The following HLA-DPB1 variants were observed in gnomAD, a reference collection of about 807,000 sequenced individuals.
The protein encoded by HLA-DPB1 is major histocompatibility complex, class II, DP beta 1.
In HLA-DPB1, 30 loss-of-function variants were observed where a neutral mutation model predicts 29.4. The observed-to-expected ratio is 1.02, with a 90% CI of 0.76 to 1.38. The LOEUF is 1.38. Ranked by LOEUF, HLA-DPB1 falls within the 40% of genes most tolerant of loss-of-function variation. The pLI is 0.00. For synonymous variants in HLA-DPB1, 114 were observed against 134.0 expected (o/e 0.85, Z 1.03); for missense variants, 261 against 327.5 (o/e 0.80, Z 1.57).
Position 33,080,947 on chromosome 6 carries a change from C to G in HLA-DPB1, c.364+12C>G, listed in dbSNP as rs763244046. The G allele has an allele frequency of 1.3e-6, 2 of 1,570,166 alleles. No individual in the cohort carries two copies. Among genetic ancestry groups the G allele is most frequent in the Non-Finnish European group, 1.7e-6 (2 of 1,159,752 alleles). On this transcript the variant is annotated intron_variant, in intron 2 of 5. Transcript: ENST00000418931. This position sits in a 1 kb window ranked among gnomAD's most constrained non-coding sequence, Gnocchi z 4.3. ...CCTGCAGCGCCGAGGTGAGTGAGGG[C>G]TTTGGGCCGGCGGTCCCAGGGCAGC... is the stretch of plus-strand genomic sequence containing the variant.
intron 3 of HLA-DPB1, among the ~76,000 whole-genome samples, 183 bp from the exon 4 acceptor site, chr6:33,085,596 T>G (rs555237666): frequency 6.6e-6 from 1 of 152,312 alleles, no homozygotes; most frequent in Admixed American, 6.5e-5. Context: ...TTTGCCACCT[T>G]GTTGAGGTCA....
At chr6:33,076,968 G>T (rs965275316) in intron 1 of HLA-DPB1, among the ~76,000 whole-genome samples, 1 of 151,808 alleles carries the variant, frequency 6.6e-6, no homozygotes, top group Non-Finnish European at 1.5e-5. Flanking sequence ...TGTGCACAAC[G>T]TGCAGGTTTG....
At chr6:33,079,909 A>G (rs1324172649) in intron 1 of HLA-DPB1, 2 of 233,246 alleles carry the variant, frequency 8.6e-6, no homozygotes, top group Non-Finnish European at 1.7e-5. Context: ...AAAAACTGCC[A>G]AAAAAAATTA....
intron 2 of HLA-DPB1, among the ~76,000 whole-genome samples, chr6:33,081,717 C>A (rs1459312932): frequency 6.6e-6 from 1 of 152,054 alleles, no homozygotes; most frequent in African/African-American, 2.4e-5. Context: ...CTGAGTGTGG[C>A]GCATCCTCCT....
chr6:33,086,108 G>C, intron 4 of HLA-DPB1, 111 bp from the exon 5 acceptor site: 1 of 1,022,818 alleles, frequency 9.8e-7, no homozygotes, highest in Non-Finnish European at 1.5e-6. Context: ...AGGCTCCTGC[G>C]GAGCGTCCAT....
intron 5 of HLA-DPB1, 25 bp from the exon 6 acceptor site, chr6:33,086,514 G>C (rs1763113377): frequency 1.5e-6 from 1 of 672,606 alleles, no homozygotes; most frequent in African/African-American, 1.8e-5. Flanking sequence ...GGCAACCTGG[G>C]ATAACTTGTC....
In HLA-DPB1 at chr6:33,086,548, G is replaced by C. The variant is rs1126719; in HGVS notation, c.*14G>C. The C allele has an allele frequency of 0.23, 130,519 of 562,682 alleles. 28,061 individuals carry two copies. Among genetic ancestry groups the C allele is most frequent in the African/African-American group, 0.53 (26,886 of 50,308 alleles). 34.9% of individuals were successfully genotyped at this position (562,682 alleles called of 1,614,324 possible). On this transcript the variant is annotated 3_prime_UTR_variant, in exon 6 of 6. Coordinates refer to ENST00000418931, the MANE Select transcript of HLA-DPB1 (RefSeq NM_002121.6). ...TCTTTTACCCCCACAGGGTTCCTGA[G>C]CTCACTGAAAAGACTATTGTGCCTT...
In HLA-DPB1 at chr6:33,080,980, G is replaced by A. The variant is rs1211207443; in HGVS notation, c.364+45G>A. 1.3e-6 allele frequency: 2 copies of A among 1,520,456 alleles called. No homozygotes were observed. The highest frequency in any genetic ancestry group is 2.3e-5 in the East Asian group (1 of 43,666). 94.2% of individuals were successfully genotyped at this position (1,520,456 alleles called of 1,614,324 possible). The stretch of plus-strand genomic sequence containing the variant: ...CGGCGGTCCCAGGGCAGCCCCGCGG[G>A]CCCGTGCCCAGGGCGCAGGAGCAGC... On this transcript the variant is annotated intron_variant, in intron 2 of 5. Coordinates refer to ENST00000418931, the MANE Select transcript of HLA-DPB1 (RefSeq NM_002121.6). The surrounding 1 kb of genome is among the most constrained non-coding windows in gnomAD (Gnocchi z 4.3).
In HLA-DPB1 at chr6:33,080,707, G is replaced by C. The variant is rs41555313; in HGVS notation, c.136G>C (p.Ala46Pro). The C allele has an allele frequency of 4.8e-5, 77 of 1,613,220 alleles. No homozygotes were observed. The East Asian group carries it at 1.7e-3, about 35-fold the overall frequency. ...YLFQGRQECY[A>P]FNGTQRFLER... ...TTTCCAGGGACGGCAGGAATGCTACGCGTTTAATGGGACACAGCGCTTCCT... is the reference window on the plus strand; with the variant it reads ...TTTCCAGGGACGGCAGGAATGCTACCCGTTTAATGGGACACAGCGCTTCCT... The change falls in exon 2 of 6, where the codon GCG (alanine) becomes CCG (proline). Residue 46 changes from alanine (A) to proline (P), a missense_variant. Physicochemically the swap from Ala to Pro is conservative, Grantham distance 27. Transcript: ENST00000418931. This position sits in a 1 kb window ranked among gnomAD's most constrained non-coding sequence, Gnocchi z 4.3.
At chr6:33,081,425 G>A (rs1349478653) in intron 2 of HLA-DPB1, among the ~76,000 whole-genome samples, 1 of 152,066 alleles carries the variant, frequency 6.6e-6, no homozygotes, top group Non-Finnish European at 1.5e-5. Context: ...AGGGGGAAGA[G>A]CAAAGGACCG....
At chr6:33,079,829 G>A in intron 1 of HLA-DPB1, 1 of 430,908 alleles carries the variant, frequency 2.3e-6, no homozygotes, top group South Asian at 1.8e-5. Context: ...ACCAACCCCA[G>A]TACCAGGGTG....
At position 33,078,518 on chromosome 6, in the gene HLA-DPB1, A is replaced by G. The variant is rs370947014; in HGVS notation, c.101-2154A>G. Among the ~76,000 whole-genome samples the G allele has an allele frequency of 4.6e-5, 7 of 152,220 alleles. No individual in the cohort carries two copies. In the East Asian group the frequency reaches 7.7e-4, roughly 17 times the overall value. On this transcript the variant is annotated intron_variant, in intron 1 of 5. Coordinates refer to ENST00000418931, the MANE Select transcript of HLA-DPB1 (RefSeq NM_002121.6). ...ATAGGGAGCTAGAGGTTTTTAATAT[A>G]TCCTATTCTGAATAAGAGACGAATT...
chr6:33,079,804 C>A, intron 1 of HLA-DPB1: 1 of 459,948 alleles, frequency 2.2e-6, no homozygotes, highest in Non-Finnish European at 4.3e-6. Context: ...AGTCACCCAG[C>A]CGGCCATCAG....
At chr6:33,084,810 AGAAT>A (rs1763018143) in intron 2 of HLA-DPB1, 136 bp from the exon 3 acceptor site, 10 of 375,712 alleles carry the variant, frequency 2.7e-5, no homozygotes, top group Non-Finnish European at 4.0e-5. Context: ...ACAAAAAGAA[AGAAT>A]GAAAGAAAGA....
In HLA-DPB1 at chr6:33,088,899, T is replaced by A. The variant is rs969515606; in HGVS notation, c.*2365T>A. Among the ~76,000 whole-genome samples, 6 of 151,876 alleles carry A rather than the reference T, an allele frequency of 4.0e-5. No homozygotes were observed. The highest frequency in any genetic ancestry group is 3.4e-3 in the Middle Eastern group (1 of 294). On this transcript the variant is annotated 3_prime_UTR_variant, in exon 6 of 6. Transcript: ENST00000418931. ...GGCGGGCTTAGGACTCCCAGCTGAG[T>A]GTTGTATCCTCCATCCCTTTCCACC... is the stretch of plus-strand genomic sequence containing the variant.
At position 33,087,710 on chromosome 6, in the gene HLA-DPB1, T is replaced by C. The variant is rs9277550; in HGVS notation, c.*1176T>C. ...CCCATCTCCCCTTGCAAATAATATC[T>C]TCCATCGGGGGACCGGCTTCCTCCA... is the stretch of plus-strand genomic sequence containing the variant. On this transcript the variant is annotated 3_prime_UTR_variant, in exon 6 of 6. Transcript: ENST00000418931. Among the ~76,000 whole-genome samples the C allele has an allele frequency of 0.38, 57,536 of 151,708 alleles. 12,296 individuals are homozygous for C. Among genetic ancestry groups the C allele is most frequent in the East Asian group, 0.64 (3,292 of 5,148 alleles).
rs539758150 is a variant in HLA-DPB1, at chr6:33,087,725, G to A, written c.*1191G>A. ...AAATAATATCTTCCATCGGGGGACC[G>A]GCTTCCTCCAATTTCAGGAGAGGTG... is the stretch of plus-strand genomic sequence containing the variant. On this transcript the variant is annotated 3_prime_UTR_variant, in exon 6 of 6. Transcript: ENST00000418931. Among the ~76,000 whole-genome samples, 34 of 152,252 alleles carry A rather than the reference G, an allele frequency of 2.2e-4. No homozygotes were observed. The highest frequency in any genetic ancestry group is 7.5e-4 in the African/African-American group (31 of 41,532).
chr6:33,086,496 A>G (rs1186677944), intron 5 of HLA-DPB1, 43 bp from the exon 6 acceptor site: 4 of 684,006 alleles, frequency 5.8e-6, no homozygotes, highest in Non-Finnish European at 1.1e-5. Flanking sequence ...ACTTACAGGA[A>G]GGAGGCTGGC....
At chr6:33,081,297 G>A (rs73402061) in intron 2 of HLA-DPB1, 4,431 of 255,322 alleles carry the variant, frequency 0.017, 102 homozygotes, top group African/African-American at 0.067. Context: ...CTACAGGGAG[G>A]TAGCTGGGTT....
Sources: gnomAD v4.1 joint callset for allele counts (sites outside exome capture counted in the v4.1 genomes callset) on GRCh38, gnomAD v4.1.1 for gene constraint, Gnocchi (gnomAD v3.1) non-coding constraint, MANE v1.5 for transcripts, NCBI Gene and HGNC (gene_info 2026-07-23, HGNC 2026-07-21) for gene names.